Variants in CRY1 observed in about 807,000 individuals in gnomAD.
The protein encoded by CRY1 is cryptochrome-1.
A neutral mutation model predicts 76.0 loss-of-function variants in CRY1; 45 were observed. The ratio of observed to expected loss-of-function variants is 0.59; its 90% CI spans 0.47 to 0.76. The LOEUF (loss-of-function observed/expected upper bound fraction) is 0.76, where lower values mean the gene tolerates loss of function less well. Among genes scored for constraint, CRY1 ranks in the 30% least tolerant of loss-of-function variants. The pLI is 0.00. For synonymous variants in CRY1, 248 were observed against 244.0 expected, an observed-to-expected ratio of 1.02 and a Z score of -0.15; for missense variants, 587 against 716.4, an observed-to-expected ratio of 0.82 and a Z score of 2.06.
At chr12:107,081,893 T>TG (rs1953330171) in intron 1 of CRY1, among the ~76,000 whole-genome samples, 1 of 152,030 alleles carries the variant, frequency 6.6e-6, no homozygotes, top group Non-Finnish European at 1.5e-5. Flanking sequence ...TGTTAAAACT[T>TG]GATCTCTAAT....
At chr12:107,034,404 C>A (rs1306514458) in intron 1 of CRY1, among the ~76,000 whole-genome samples, 1 of 152,092 alleles carries the variant, frequency 6.6e-6, no homozygotes, top group African/African-American at 2.4e-5. Flanking sequence ...ACTGAGTATA[C>A]TCAGTCAAGA....
chr12:107,032,509 G>GACAC (rs71076712), intron 1 of CRY1, among the ~76,000 whole-genome samples: 18,521 of 150,838 alleles, frequency 0.12, 1,282 homozygotes, highest in South Asian at 0.26. Context: ...AACTGTTACA[G>GACAC]ACACACACAC....
At chr12:106,996,586 C>T (rs1256955857) in intron 10 of CRY1, among the ~76,000 whole-genome samples, 1 of 152,238 alleles carries the variant, frequency 6.6e-6, no homozygotes, top group Non-Finnish European at 1.5e-5. Context: ...ACAATCCCAT[C>T]AACAATGTAA....
At chr12:107,079,246 A>G (rs1311725238) in intron 1 of CRY1, among the ~76,000 whole-genome samples, 4 of 152,194 alleles carry the variant, frequency 2.6e-5, no homozygotes, top group Admixed American at 2.6e-4. Flanking sequence ...AACTGGCCCA[A>G]AAGAGCCAAT....
chr12:107,036,061 C>A (rs1565832555), intron 1 of CRY1, among the ~76,000 whole-genome samples: 1 of 152,196 alleles, frequency 6.6e-6, no homozygotes, highest in Non-Finnish European at 1.5e-5. Flanking sequence ...GCTATTATGA[C>A]CTTGTGGTTC....
At chr12:107,089,121 C>T (rs1432376431) in intron 1 of CRY1, among the ~76,000 whole-genome samples, 1 of 151,914 alleles carries the variant, frequency 6.6e-6, no homozygotes, top group African/African-American at 2.4e-5. Context: ...ATGGATATAC[C>T]ATATTTTGTT....
intron 2 of CRY1, among the ~76,000 whole-genome samples, chr12:107,007,788 C>T (rs1952392164): frequency 6.6e-6 from 1 of 152,148 alleles, no homozygotes; most frequent in Non-Finnish European, 1.5e-5. Context: ...CCTCAGCCTC[C>T]CAACGTGCTG....
Position 106,999,714 on chromosome 12 carries a change from T to G in CRY1, c.974A>C (p.Glu325Ala). 6.2e-7 allele frequency: 1 copy of G among 1,614,244 alleles called. No homozygotes were observed. The highest frequency in any genetic ancestry group is 2.2e-5 in the East Asian group (1 of 44,880). The change falls in exon 7 of 13, where the codon GAG becomes GCG. Residue 325 changes from glutamate (E) to alanine (A), a missense_variant. Glu to Ala is a moderately radical substitution (Grantham distance 107). Coordinates refer to ENST00000008527, the MANE Select transcript of CRY1 (RefSeq NM_004075.5). ...GCCTTCCGCCCATTTGGCTAAAGCCTCAGGATTTTTATCCCAAGGAATCTG... is the reference window on the plus strand; with the variant it reads ...GCCTTCCGCCCATTTGGCTAAAGCCGCAGGATTTTTATCCCAAGGAATCTG... ...CVQIPWDKNP[E>A]ALAKWAEGRT... is the part of the protein sequence containing the mutation.
intron 1 of CRY1, among the ~76,000 whole-genome samples, chr12:107,044,330 T>C (rs1952828065): frequency 6.6e-6 from 1 of 152,130 alleles, no homozygotes; most frequent in South Asian, 2.1e-4. Context: ...ACCAAGAACA[T>C]TAACAATCTA....
At chr12:106,992,299 G>A (rs1364586430) in intron 12 of CRY1, 16 of 152,044 alleles carry the variant, frequency 1.1e-4, no homozygotes, top group Admixed American at 1.0e-3. Context: ...CTTCTAATAA[G>A]GGCCAGCATT....
At chr12:107,007,410 G>GA (rs1213728896) in intron 2 of CRY1, among the ~76,000 whole-genome samples, 3 of 152,050 alleles carry the variant, frequency 2.0e-5, no homozygotes, top group South Asian at 2.1e-4. Context: ...ACAGTGATGT[G>GA]AAAAAATTAA....
At chr12:106,998,993 G>A (rs1952268412) in intron 7 of CRY1, among the ~76,000 whole-genome samples, 1 of 142,204 alleles carries the variant, frequency 7.0e-6, no homozygotes, top group African/African-American at 2.7e-5. Context: ...AGTGAGCTGA[G>A]ATCACGTCAT....
chr12:107,073,642 T>C (rs187319677), intron 1 of CRY1, among the ~76,000 whole-genome samples: 1 of 152,078 alleles, frequency 6.6e-6, no homozygotes, highest in Non-Finnish European at 1.5e-5. Flanking sequence ...GGCAGAAGAA[T>C]TGCATGAACC....
chr12:107,026,541 C>G (rs935973860), intron 1 of CRY1, among the ~76,000 whole-genome samples: 2 of 152,176 alleles, frequency 1.3e-5, no homozygotes, highest in Admixed American at 1.3e-4. Flanking sequence ...GCCCTAACTA[C>G]AGTTTTCTTA....
chr12:107,055,822 C>T (rs2136879520), intron 1 of CRY1, among the ~76,000 whole-genome samples: 1 of 149,716 alleles, frequency 6.7e-6, no homozygotes, highest in South Asian at 2.1e-4. Context: ...AAGACCCTGT[C>T]TCAAAAAAAA....
intron 2 of CRY1, among the ~76,000 whole-genome samples, chr12:107,007,232 A>G (rs10047525): frequency 0.015 from 2,215 of 152,318 alleles, 66 homozygotes; most frequent in African/African-American, 0.051. Flanking sequence ...GAATAGTTTA[A>G]AAACACAGGA....
At chr12:107,003,413 C>T (rs867333090) in intron 3 of CRY1, among the ~76,000 whole-genome samples, 1 of 152,090 alleles carries the variant, frequency 6.6e-6, no homozygotes, top group African/African-American at 2.4e-5. Context: ...GATGTGAAAA[C>T]AGGCCTACCA....
chr12:107,090,339 T>C (rs966318539), intron 1 of CRY1, among the ~76,000 whole-genome samples: 12 of 152,186 alleles, frequency 7.9e-5, no homozygotes, highest in Non-Finnish European at 1.2e-4. Flanking sequence ...GTGATCTGCC[T>C]GCCTCAGCCT....
At chr12:107,029,340 T>C (rs1593512692) in intron 1 of CRY1, among the ~76,000 whole-genome samples, 1 of 152,122 alleles carries the variant, frequency 6.6e-6, no homozygotes, top group African/African-American at 2.4e-5. Context: ...CCTGTAATCC[T>C]AGCACTTTTG....
Sources: allele counts gnomAD v4.1 joint callset (sites outside exome capture counted in the v4.1 genomes callset), GRCh38; gene constraint gnomAD v4.1.1; transcripts MANE v1.5; gene names NCBI Gene and HGNC (gene_info 2026-07-23, HGNC 2026-07-21).